Variants in ESR1 observed in about 807,000 individuals in gnomAD.
The protein encoded by ESR1 is estrogen receptor 1, also known as estrogen receptor.
Under a neutral mutation model 52.7 loss-of-function variants are expected in ESR1, and 12 were observed. That is an observed-to-expected ratio of 0.23 (90% CI 0.15 to 0.37). The LOEUF (loss-of-function observed/expected upper bound fraction) is 0.37, where lower values mean the gene tolerates loss of function less well. Ranked by LOEUF, ESR1 falls within the 10% of genes least tolerant of loss-of-function variation. The probability of loss-of-function intolerance (pLI) is 1.00; values close to 1 mark genes in which losing one functional copy is unlikely to be tolerated. For missense variants in ESR1, 584 were observed against 779.7 expected, an observed-to-expected ratio of 0.75 and a Z score of 2.99; for synonymous variants, 305 against 316.8, an observed-to-expected ratio of 0.96 and a Z score of 0.39.
intron 3 of ESR1, among the ~76,000 whole-genome samples, chr6:151,939,261 T>C (rs1193147235): frequency 6.6e-6 from 1 of 152,176 alleles, no homozygotes; most frequent in Non-Finnish European, 1.5e-5. Context: ...GTTTCCTTTG[T>C]TTTTTTCCTC....
chr6:151,790,596 T>A (rs558970710), intron 2 of ESR1, among the ~76,000 whole-genome samples: 1 of 152,042 alleles, frequency 6.6e-6, no homozygotes, highest in South Asian at 2.1e-4. Context: ...TTTTTTTTTT[T>A]AATCCCACAT....
intron 3 of ESR1, among the ~76,000 whole-genome samples, chr6:151,936,513 T>C (rs1220008841): frequency 6.6e-6 from 1 of 152,174 alleles, no homozygotes; most frequent in African/African-American, 2.4e-5. Context: ...AATTTCAAAT[T>C]GACAGTTTGT....
intron 5 of ESR1, 123 bp downstream of exon 5, chr6:152,011,917 A>G: frequency 1.9e-6 from 2 of 1,064,194 alleles, no homozygotes; most frequent in Admixed American, 2.1e-5. Flanking sequence ...TTTACTTAAC[A>G]AAAGAGTGCA....
chr6:151,704,081 G>T (rs1351396206), intron 2 of ESR1, among the ~76,000 whole-genome samples: 2 of 152,128 alleles, frequency 1.3e-5, no homozygotes, highest in East Asian at 3.8e-4. Flanking sequence ...ATTAAAATTT[G>T]ATCTTGAGTA....
intron 2 of ESR1, among the ~76,000 whole-genome samples, chr6:151,724,394 T>G (rs1438252447): frequency 6.6e-6 from 1 of 151,984 alleles, no homozygotes; most frequent in Non-Finnish European, 1.5e-5. Context: ...TTTGGAGGGG[T>G]GTTGTCTGAG....
chr6:152,103,602 T>A (rs937544288), downstream of ESR1, among the ~76,000 whole-genome samples: 5 of 152,258 alleles, frequency 3.3e-5, no homozygotes, highest in Admixed American at 1.3e-4. Context: ...GAGGACTAAC[T>A]GAGGTGCTCA....
At chr6:152,028,811 T>C (rs2044396860) in intron 5 of ESR1, among the ~76,000 whole-genome samples, 1 of 152,194 alleles carries the variant, frequency 6.6e-6, no homozygotes, top group East Asian at 1.9e-4. Flanking sequence ...TCTCCCAGCA[T>C]GCAGCTTGAG....
At chr6:151,881,722 A>T (rs1792948541) in intron 3 of ESR1, among the ~76,000 whole-genome samples, 1 of 152,030 alleles carries the variant, frequency 6.6e-6, no homozygotes, top group Admixed American at 6.6e-5. Context: ...GTCTCTATTG[A>T]AAATACAAAA....
At chr6:151,806,484 T>C (rs112646385), upstream of ESR1, among the ~76,000 whole-genome samples, 96 of 146,478 alleles carry the variant, frequency 6.6e-4, 1 homozygote, top group African/African-American at 2.3e-3. Flanking sequence ...CTATCCAAGA[T>C]TATAGACGCA....
At chr6:152,080,854 T>G (rs2049141524) in intron 6 of ESR1, among the ~76,000 whole-genome samples, 1 of 151,166 alleles carries the variant, frequency 6.6e-6, no homozygotes, top group South Asian at 2.1e-4. Flanking sequence ...AATCCCAGTC[T>G]CTGATAAAAC....
intron 3 of ESR1, among the ~76,000 whole-genome samples, chr6:151,920,625 T>C (rs1230601255): frequency 1.3e-5 from 2 of 152,148 alleles, no homozygotes; most frequent in African/African-American, 4.8e-5. Flanking sequence ...CTTTCATTGT[T>C]TTTGATACCC....
intron 4 of ESR1, among the ~76,000 whole-genome samples, chr6:152,010,584 T>G (rs970933962): frequency 5.3e-5 from 8 of 152,112 alleles, no homozygotes; most frequent in African/African-American, 1.9e-4. Context: ...AATGTCCCTG[T>G]CACTCTGGCG....
At position 152,029,735 on chromosome 6, in the gene ESR1, G is replaced by C. The variant is rs1345137624; in HGVS notation, c.1235+17941G>C. On this transcript the variant is annotated intron_variant, in intron 5 of 7. Coordinates refer to ENST00000206249, the MANE Select transcript of ESR1 (RefSeq NM_000125.4). ...ACACTCTGCAGGATATTATCCAGGA[G>C]AACTTCCCCAATCTAGCAAGGCAGG... Among the ~76,000 whole-genome samples the C allele has an allele frequency of 2.6e-5, 4 of 152,292 alleles. No individual in the cohort carries two copies. In the East Asian group the frequency reaches 7.7e-4, roughly 29 times the overall value.
chr6:152,096,913 G>C (rs1440019756), intron 7 of ESR1, among the ~76,000 whole-genome samples: 2 of 152,120 alleles, frequency 1.3e-5, no homozygotes, highest in Admixed American at 1.3e-4. Flanking sequence ...CATTGCAGTT[G>C]GGTGTTTTTA....
intron 1 of ESR1, among the ~76,000 whole-genome samples, chr6:151,671,564 G>A (rs568970345): frequency 3.8e-4 from 58 of 152,264 alleles, no homozygotes; most frequent in African/African-American, 1.3e-3. Flanking sequence ...ATTGGTCAAA[G>A]GGCACAAAGT....
intron 3 of ESR1, among the ~76,000 whole-genome samples, chr6:151,889,895 C>A (rs1050827895): frequency 1.3e-5 from 2 of 151,884 alleles, no homozygotes; most frequent in Non-Finnish European, 2.9e-5. Flanking sequence ...CTTTTTATTT[C>A]TTCTTTGACC....
At chr6:152,078,863 G>A (rs771538249) in intron 6 of ESR1, among the ~76,000 whole-genome samples, 4 of 152,242 alleles carry the variant, frequency 2.6e-5, no homozygotes, top group Non-Finnish European at 4.4e-5. Flanking sequence ...ATGGAGACTT[G>A]CTCACTGCTA....
chr6:152,057,497 T>C (rs6902385), intron 5 of ESR1, among the ~76,000 whole-genome samples: 33,376 of 152,054 alleles, frequency 0.22, 5,324 homozygotes, highest in African/African-American at 0.44. Context: ...CTCTAAACAG[T>C]ACTGCTTAGA....
chr6:151,889,305 A>G (rs146993218), intron 3 of ESR1, among the ~76,000 whole-genome samples: 42 of 152,274 alleles, frequency 2.8e-4, no homozygotes, highest in South Asian at 1.0e-3. Flanking sequence ...CTTTTCTTCC[A>G]TAGAGGACTT....
Sources: gnomAD v4.1 joint callset for allele counts (sites outside exome capture counted in the v4.1 genomes callset) on GRCh38, gnomAD v4.1.1 for gene constraint, MANE v1.5 for transcripts, NCBI Gene and HGNC (gene_info 2026-07-23, HGNC 2026-07-21) for gene names.